ARMH4: variants seen among roughly 807,000 people sequenced by gnomAD.
The protein encoded by ARMH4 is armadillo like helical domain containing 4.
Under a neutral mutation model 61.9 loss-of-function variants are expected in ARMH4, and 49 were observed. That is an observed-to-expected ratio of 0.79 (90% CI 0.63 to 1.00). The LOEUF is 1.00. Among genes scored for constraint, ARMH4 ranks in the 50% least tolerant of loss-of-function variants. The pLI, the probability that ARMH4 is intolerant of heterozygous loss-of-function variation, is 0.00. For missense variants in ARMH4, 934 were observed against 930.0 expected (o/e 1.00, Z -0.06); for synonymous variants, 368 against 341.5 (o/e 1.08, Z -0.85).
intron 6 of ARMH4, among the ~76,000 whole-genome samples, chr14:58,005,922 C>T (rs1448326341): frequency 6.6e-6 from 1 of 152,132 alleles, no homozygotes; most frequent in East Asian, 1.9e-4. Flanking sequence ...TTCTGAATGT[C>T]CCAGCCCCAA....
At chr14:58,067,524 A>G (rs897511675) in intron 5 of ARMH4, among the ~76,000 whole-genome samples, 1 of 152,210 alleles carries the variant, frequency 6.6e-6, no homozygotes, top group Non-Finnish European at 1.5e-5. Context: ...GACAGCCAGC[A>G]TAGCCTGGAA....
intron 5 of ARMH4, among the ~76,000 whole-genome samples, chr14:58,028,231 T>C (rs1407293811): frequency 1.3e-5 from 2 of 152,196 alleles, no homozygotes; most frequent in Non-Finnish European, 2.9e-5. Flanking sequence ...TGATCTGTAA[T>C]TTTTCAGGTG....
intron 4 of ARMH4, among the ~76,000 whole-genome samples, chr14:58,098,348 G>C (rs987816093): frequency 1.3e-5 from 2 of 152,062 alleles, no homozygotes; most frequent in African/African-American, 4.8e-5. Flanking sequence ...CCCCCTAACG[G>C]GTGCCGTTGC....
rs907091432 is a variant in ARMH4, at chr14:58,138,127, A to G, written c.1232T>C (p.Ile411Thr). The G allele has an allele frequency of 4.5e-5, 72 of 1,614,112 alleles. No individual in the cohort carries two copies. Among genetic ancestry groups the G allele is most frequent in the Non-Finnish European group, 5.7e-5 (67 of 1,180,048 alleles). Residue 411 changes from isoleucine (I) to threonine (T), a missense_variant, in exon 2 of 8, where the codon ATT becomes ACT. By Grantham distance (89) the Ile-to-Thr change is moderately conservative. Transcript: ENST00000267485. ...TCCCGTACTTTGGAGCAAGTTCACA[A>G]TGGAAACTTTCATGTCTTCCATCAG... is the stretch of plus-strand genomic sequence containing the variant. ...TSLMEDMKVS[I>T]VNLLQSTGDF...
In ARMH4 at chr14:58,150,972, A is replaced by G. The variant is rs1427585968; in HGVS notation, c.-57+1103T>C. On this transcript the variant is annotated intron_variant, in intron 1 of 7. Coordinates refer to ENST00000267485, the MANE Select transcript of ARMH4 (RefSeq NM_001001872.4). ...CCAACAGCATCACTTGTGATCAAGG[A>G]AATACACCAAAATAAAGAGAAGGCA... Among the ~76,000 whole-genome samples, 4 of 152,202 alleles carry G rather than the reference A, an allele frequency of 2.6e-5. No homozygotes were observed. The East Asian group carries it at 5.8e-4, about 22-fold the overall frequency.
intron 4 of ARMH4, among the ~76,000 whole-genome samples, chr14:58,121,143 G>T (rs991819821): frequency 6.6e-6 from 1 of 152,084 alleles, no homozygotes; most frequent in Non-Finnish European, 1.5e-5. Flanking sequence ...ACTAGCACTC[G>T]TGCTCCCTTA....
At chr14:58,031,164 A>G (rs1883215419) in intron 5 of ARMH4, among the ~76,000 whole-genome samples, 2 of 152,226 alleles carry the variant, frequency 1.3e-5, no homozygotes, top group South Asian at 4.1e-4. Flanking sequence ...TAGGCTTAAA[A>G]GGGAGGAAGA....
At chr14:58,146,619 A>G (rs902407063) in intron 1 of ARMH4, among the ~76,000 whole-genome samples, 1 of 152,236 alleles carries the variant, frequency 6.6e-6, no homozygotes, top group African/African-American at 2.4e-5. Flanking sequence ...TGACAATCTT[A>G]CATAGCTACA....
chr14:58,095,382 G>A (rs772156486), intron 5 of ARMH4, among the ~76,000 whole-genome samples: 1 of 152,162 alleles, frequency 6.6e-6, no homozygotes, highest in Non-Finnish European at 1.5e-5. Context: ...AATTATCTTT[G>A]TATTTTGTAT....
At chr14:58,044,387 G>C (rs1178792153) in intron 5 of ARMH4, among the ~76,000 whole-genome samples, 3 of 152,170 alleles carry the variant, frequency 2.0e-5, no homozygotes. Flanking sequence ...TTTAACAAAT[G>C]GTGCTGGGAA....
At chr14:58,113,104 T>C (rs1156295156) in intron 4 of ARMH4, among the ~76,000 whole-genome samples, 2 of 152,204 alleles carry the variant, frequency 1.3e-5, no homozygotes, top group Non-Finnish European at 2.9e-5. Context: ...AGCAACATTC[T>C]ATTGTACCAG....
At chr14:58,011,994 T>C in intron 6 of ARMH4, 125 bp downstream of exon 6, 2 of 705,050 alleles carry the variant, frequency 2.8e-6, no homozygotes, top group Middle Eastern at 2.5e-4. Flanking sequence ...CAAGTTGCCC[T>C]GAATCTTTAG....
intron 5 of ARMH4, among the ~76,000 whole-genome samples, chr14:58,056,135 C>G (rs1006588681): frequency 6.6e-6 from 1 of 152,152 alleles, no homozygotes; most frequent in Admixed American, 6.5e-5. Flanking sequence ...AGAGGGAGTG[C>G]CACCATAGGA....
chr14:58,103,309 A>G (rs951024026), intron 4 of ARMH4, among the ~76,000 whole-genome samples: 3 of 152,064 alleles, frequency 2.0e-5, no homozygotes, highest in African/African-American at 7.2e-5. Flanking sequence ...TATGGTCTGC[A>G]TGCATCCTCC....
intron 4 of ARMH4, among the ~76,000 whole-genome samples, chr14:58,101,957 G>C (rs1163751243): frequency 2.6e-5 from 4 of 152,146 alleles, no homozygotes; most frequent in African/African-American, 7.2e-5. Context: ...GAGAGAGAGA[G>C]AGAGAATGCT....
At chr14:58,072,187 C>T (rs1290074291) in intron 5 of ARMH4, among the ~76,000 whole-genome samples, 1 of 152,188 alleles carries the variant, frequency 6.6e-6, no homozygotes, top group African/African-American at 2.4e-5. Flanking sequence ...GCAAGTCCCT[C>T]ACAAGTTGTA....
In ARMH4 at chr14:58,097,766, C is replaced by T. The variant is rs373923930; in HGVS notation, c.1832-785G>A. Among the ~76,000 whole-genome samples, 101 of 151,182 alleles carry T rather than the reference C, an allele frequency of 6.7e-4. No individual in the cohort carries two copies. The South Asian group carries it at 0.018, about 27-fold the overall frequency. ...TGTCACCCAGGCTGGAGTGCAGTGGCGTGATCATGGTTCACCACAGTCTCA... is the reference window on the plus strand; with the variant it reads ...TGTCACCCAGGCTGGAGTGCAGTGGTGTGATCATGGTTCACCACAGTCTCA... On this transcript the variant is annotated intron_variant, in intron 4 of 7. Coordinates refer to ENST00000267485, the MANE Select transcript of ARMH4 (RefSeq NM_001001872.4).
intron 5 of ARMH4, among the ~76,000 whole-genome samples, chr14:58,095,120 A>G (rs968458665): frequency 6.6e-6 from 1 of 152,194 alleles, no homozygotes; most frequent in African/African-American, 2.4e-5. Flanking sequence ...AGTCCACTTC[A>G]TAAGTGGTGA....
chr14:58,004,868 C>G, intron 7 of ARMH4, 64 bp from the exon 8 acceptor site: 1 of 1,552,886 alleles, frequency 6.4e-7, no homozygotes. Context: ...GAGAAACAGG[C>G]CCACTTTAAA....
Sources: allele counts gnomAD v4.1 joint callset (sites outside exome capture counted in the v4.1 genomes callset), GRCh38; gene constraint gnomAD v4.1.1; transcripts MANE v1.5; gene names NCBI Gene and HGNC (gene_info 2026-07-23, HGNC 2026-07-21).